Variants in SERTAD4 observed in about 807,000 individuals in gnomAD.
SERTAD4 encodes the protein SERTA domain containing 4.
In SERTAD4, 18 loss-of-function variants were observed where a neutral mutation model predicts 32.9. The ratio of observed to expected loss-of-function variants is 0.55; its 90% CI spans 0.38 to 0.81. SERTAD4 has a LOEUF of 0.81. Ranked by LOEUF, SERTAD4 falls within the 30% of genes least tolerant of loss-of-function variation. The pLI, the probability that SERTAD4 is intolerant of heterozygous loss-of-function variation, is 0.00. For missense variants in SERTAD4, 383 were observed against 426.0 expected, an observed-to-expected ratio of 0.90 and a Z score of 0.89; for synonymous variants, 150 against 156.4, an observed-to-expected ratio of 0.96 and a Z score of 0.30.
In SERTAD4 at chr1:210,242,151, C is replaced by T. The variant is rs779605253; in HGVS notation, c.885C>T (p.Gly295=). ...ATGATGACACCAACAGAGATGGTGG[C>T]CCCCTCAGCCACGAACCTGTGGGAA... ...KANDDTNRDG[G]PLSHEPVGND... is the part of the protein sequence containing the mutation. Residue 295 remains glycine, a synonymous_variant, in exon 4 of 4, where the codon GGC becomes GGT. Coordinates refer to ENST00000367012, the MANE Select transcript of SERTAD4 (RefSeq NM_019605.5). The surrounding 1 kb of genome is among the most constrained non-coding windows in gnomAD (Gnocchi z 4.0). The T allele has an allele frequency of 2.5e-6, 4 of 1,614,012 alleles. No individual in the cohort carries two copies. Among genetic ancestry groups the T allele is most frequent in the African/African-American group, 2.7e-5 (2 of 74,904 alleles).
chr1:210,241,097 G>A (rs1232062272), intron 3 of SERTAD4, among the ~76,000 whole-genome samples: 1 of 152,190 alleles, frequency 6.6e-6, no homozygotes, highest in East Asian at 1.9e-4. Context: ...CATCCAGGTC[G>A]AGAACCAAAA....
Position 210,238,077 on chromosome 1 carries a change from C to G in SERTAD4, c.117C>G (p.Pro39=). Residue 39 remains proline, a synonymous_variant, in exon 2 of 4, where the codon CCC becomes CCG. Transcript: ENST00000367012. ...WEADSYGGPS[P]PGPAQAPLQG... ...CTGACAGCTACGGAGGCCCAAGCCC[C>G]CCAGGGCCAGCACAAGCTCCTTTGC... 6.2e-7 allele frequency: 1 copy of G among 1,613,830 alleles called. No homozygotes were observed. The highest frequency in any genetic ancestry group is 8.5e-7 in the Non-Finnish European group (1 of 1,179,892).
Position 210,242,706 on chromosome 1 carries a change from G to A in SERTAD4, c.*369G>A. 1 of 1,014,334 alleles carries A rather than the reference G, an allele frequency of 9.9e-7. No homozygotes were observed. The highest frequency in any genetic ancestry group is 1.2e-6 in the Non-Finnish European group (1 of 849,748). 62.8% of individuals were successfully genotyped at this position (1,014,334 alleles called of 1,614,324 possible). The stretch of plus-strand genomic sequence containing the variant: ...TTCTACATGTTTGCCAGTTAATTAG[G>A]GAGTTATTTGGTAAGCAAATCAATA... On this transcript the variant is annotated 3_prime_UTR_variant, in exon 4 of 4. Transcript: ENST00000367012. This position sits in a 1 kb window ranked among gnomAD's most constrained non-coding sequence, Gnocchi z 4.0.
downstream of SERTAD4, chr1:210,246,614 T>C (rs2084051059): frequency 1.0e-6 from 1 of 985,170 alleles, no homozygotes; most frequent in Admixed American, 6.1e-5. Context: ...CGAAGGGAAT[T>C]TACACAAGCT....
intron 1 of SERTAD4, among the ~76,000 whole-genome samples, chr1:210,233,304 C>T (rs980369926): frequency 1.6e-4 from 24 of 152,184 alleles, no homozygotes; most frequent in Admixed American, 3.9e-4. Flanking sequence ...TCCTCTAGGG[C>T]TGCTCGGGCT....
At chr1:210,239,446 C>G (rs761314179) in intron 2 of SERTAD4, 47 bp from the exon 3 acceptor site, 1 of 1,137,814 alleles carries the variant, frequency 8.8e-7, no homozygotes, top group South Asian at 1.3e-5. Context: ...TTTGGAGAAC[C>G]TCTGGCAAAC....
intron 3 of SERTAD4, 25 bp from the exon 4 acceptor site, chr1:210,241,533 T>C (rs926274222): frequency 3.6e-6 from 5 of 1,397,402 alleles, no homozygotes; most frequent in Admixed American, 2.6e-5. Flanking sequence ...TTTGTTTTTT[T>C]CTTTTTTTTT....
At chr1:210,234,292 G>A (rs1302779517) in intron 1 of SERTAD4, among the ~76,000 whole-genome samples, 1 of 151,838 alleles carries the variant, frequency 6.6e-6, no homozygotes. Flanking sequence ...CCCCGCAACC[G>A]CCACACACAC....
At chr1:210,241,526 G>GTTTTTTTTCTTTTTTTTTTTTTTTTTT (rs67121079) in intron 3 of SERTAD4, 32 bp from the exon 4 acceptor site, 1 of 1,417,490 alleles carries the variant, frequency 7.1e-7, no homozygotes, top group Non-Finnish European at 9.3e-7. Context: ...TTTTCTGTTT[G>GTTTTTTTTCTTTTTTTTTTTTTTTTTT]TTTTTTTCTT....
chr1:210,242,114 A>G lies in SERTAD4; in HGVS notation c.848A>G (p.Asp283Gly). The G allele has an allele frequency of 6.2e-7, 1 of 1,614,206 alleles. No individual in the cohort carries two copies. Among genetic ancestry groups the G allele is most frequent in the South Asian group, 1.1e-5 (1 of 91,080 alleles). Residue 283 changes from aspartate to glycine, a missense_variant, in exon 4 of 4, where the codon GAT (aspartate) becomes GGT (glycine). This residue lies in a region of SERTAD4 where 180 missense variants were observed against 190.6 expected (regional missense o/e 0.94). Coordinates refer to ENST00000367012, the MANE Select transcript of SERTAD4 (RefSeq NM_019605.5). This position sits in a 1 kb window ranked among gnomAD's most constrained non-coding sequence, Gnocchi z 4.0. ...LGVQEKAKLN[D>G]EKANDDTNRD... ...GTTCAGGAAAAGGCCAAATTAAATG[A>G]TGAGAAAGCAAATGATGACACCAAC...
At chr1:210,234,287 C>G (rs1032341115) in intron 1 of SERTAD4, among the ~76,000 whole-genome samples, 2 of 152,046 alleles carry the variant, frequency 1.3e-5, no homozygotes, top group South Asian at 4.2e-4. Context: ...CCCACCCCCG[C>G]AACCGCCACA....
intron 1 of SERTAD4, among the ~76,000 whole-genome samples, chr1:210,233,423 T>C (rs1051557633): frequency 2.8e-4 from 42 of 152,072 alleles, no homozygotes; most frequent in African/African-American, 9.6e-4. Context: ...GGGAAGGGGT[T>C]AAGTAGGAGG....
At position 210,246,047 on chromosome 1, in the gene SERTAD4, G is replaced by C. The variant is rs1015135008; in HGVS notation, c.*3710G>C. Reference sequence around the variant, plus strand: ...TATCACATCCCTGCCAATTTTACTAGATTTTTTCAGAGACAAGCATTCAGC... The same window carrying C: ...TATCACATCCCTGCCAATTTTACTACATTTTTTCAGAGACAAGCATTCAGC... On this transcript the variant is annotated 3_prime_UTR_variant, in exon 4 of 4. Transcript: ENST00000367012. 6 of 473,194 alleles carry C rather than the reference G, an allele frequency of 1.3e-5. No homozygotes were observed. The highest frequency in any genetic ancestry group is 4.2e-5 in the African/African-American group (2 of 47,182). 29.3% of individuals were successfully genotyped at this position (473,194 alleles called of 1,614,324 possible).
rs1473513789 is a variant in SERTAD4, at chr1:210,245,721, A to T, written c.*3384A>T. On this transcript the variant is annotated 3_prime_UTR_variant, in exon 4 of 4. Coordinates refer to ENST00000367012, the MANE Select transcript of SERTAD4 (RefSeq NM_019605.5). ...ATTTTTAGAGCTCATAGTTAACTCCATCAAGACATGGCTACCCACCCCTCC... is the reference window on the plus strand; with the variant it reads ...ATTTTTAGAGCTCATAGTTAACTCCTTCAAGACATGGCTACCCACCCCTCC... The T allele has an allele frequency of 3.9e-6, 3 of 776,576 alleles. No homozygotes were observed. The highest frequency in any genetic ancestry group is 4.7e-6 in the Non-Finnish European group (3 of 639,444). The allele number at this position is 776,576 out of a possible 1,614,324, so 48.1% of individuals were successfully genotyped here.
intron 1 of SERTAD4, among the ~76,000 whole-genome samples, chr1:210,236,624 G>A (rs1359587813): frequency 6.6e-6 from 1 of 152,046 alleles, no homozygotes; most frequent in Non-Finnish European, 1.5e-5. Flanking sequence ...GACAATGGTA[G>A]ATTCACTCTT....
chr1:210,233,328 A>T (rs927494724), intron 1 of SERTAD4, among the ~76,000 whole-genome samples: 6 of 152,006 alleles, frequency 3.9e-5, no homozygotes, highest in Non-Finnish European at 7.4e-5. Flanking sequence ...ACCCGCGCGC[A>T]CCGAGACAAC....
At position 210,239,399 on chromosome 1, in the gene SERTAD4, G is replaced by A. The variant is rs1332060004; in HGVS notation, c.176-94G>A. The A allele has an allele frequency of 6.6e-6, 5 of 756,538 alleles. No individual in the cohort carries two copies. In the South Asian group the frequency reaches 7.7e-5, roughly 12 times the overall value. 46.9% of individuals were successfully genotyped at this position (756,538 alleles called of 1,614,324 possible). A position where few individuals can be genotyped will look rare whatever the true frequency, so the allele number is the denominator to read the frequency against. ...CATGTACAGACAAATATGTAGCCAA[G>A]TTATCCTCTAGAAGGAAAGGAAACG... On this transcript the variant is annotated intron_variant, in intron 2 of 3. Coordinates refer to ENST00000367012, the MANE Select transcript of SERTAD4 (RefSeq NM_019605.5).
At chr1:210,241,319 C>T (rs995657766) in intron 3 of SERTAD4, among the ~76,000 whole-genome samples, 5 of 152,082 alleles carry the variant, frequency 3.3e-5, no homozygotes, top group African/African-American at 1.2e-4. Flanking sequence ...TAGTGCTTGA[C>T]CACACCAGTG....
intron 1 of SERTAD4, chr1:210,233,994 TA>T (rs1269438559): frequency 7.6e-3 from 2,494 of 327,516 alleles, no homozygotes; most frequent in South Asian, 0.012. Context: ...GTTTTTTTTT[TA>T]AAAAAAAAAA....
Sources: gnomAD v4.1 joint callset for allele counts (sites outside exome capture counted in the v4.1 genomes callset) on GRCh38, gnomAD v4.1.1 for gene constraint, gnomAD v4.1.1 regional missense constraint, Gnocchi (gnomAD v3.1) non-coding constraint, MANE v1.5 for transcripts, NCBI Gene and HGNC (gene_info 2026-07-23, HGNC 2026-07-21) for gene names.